Variants in SPEF2 observed in about 807,000 individuals in gnomAD.
The protein encoded by SPEF2 is sperm flagellar and cilia associated 2.
In SPEF2, 187 loss-of-function variants were observed where a neutral mutation model predicts 224.6. The ratio of observed to expected loss-of-function variants is 0.83; its 90% CI spans 0.74 to 0.94. The LOEUF (loss-of-function observed/expected upper bound fraction) is 0.94, where lower values mean the gene tolerates loss of function less well. Ranked by LOEUF, SPEF2 falls within the 40% of genes least tolerant of loss-of-function variation. The pLI is 0.00. For synonymous variants in SPEF2, 715 were observed against 707.3 expected (o/e 1.01, Z -0.17); for missense variants, 2,170 against 2,135.6 (o/e 1.02, Z -0.32).
At chr5:35,759,416 T>G (rs112374039) in intron 24 of SPEF2, 152 bp from the exon 25 acceptor site, 115 of 598,084 alleles carry the variant, frequency 1.9e-4, no homozygotes, top group African/African-American at 1.8e-3. Flanking sequence ...AAATCTTAGA[T>G]ATAGACTTGT....
At chr5:35,810,171 G>A (rs2149879395) in intron 36 of SPEF2, among the ~76,000 whole-genome samples, 1 of 152,214 alleles carries the variant, frequency 6.6e-6, no homozygotes, top group Admixed American at 6.5e-5. Context: ...TTTCCGAATA[G>A]GTGTTCTGAC....
intron 1 of SPEF2, among the ~76,000 whole-genome samples, chr5:35,628,160 T>A (rs961951872): frequency 6.6e-6 from 1 of 152,174 alleles, no homozygotes; most frequent in Non-Finnish European, 1.5e-5. Context: ...TTAGATCTAA[T>A]GTTATTTATA....
intron 8 of SPEF2, among the ~76,000 whole-genome samples, chr5:35,663,063 A>G (rs555042756): frequency 6.6e-6 from 1 of 152,132 alleles, no homozygotes; most frequent in Admixed American, 6.5e-5. Context: ...TCTATTAAGT[A>G]TTGCTGTGGA....
Position 35,776,311 on chromosome 5 carries a change from T to C in SPEF2, c.4133T>C (p.Leu1378Pro). ...ELIKTKALAL[L>P]EDLVTKVVDV... ...ATAAAGACAAAAGCATTGGCTCTTC[T>C]TGAAGATTTAGTAACAAAGGTGGTT... is the stretch of plus-strand genomic sequence containing the variant. Residue 1378 changes from leucine (L) to proline (P), a missense_variant, in exon 29 of 37, where the codon CTT becomes CCT. Transcript: ENST00000356031. The C allele has an allele frequency of 2.5e-6, 4 of 1,612,746 alleles. No homozygotes were observed. Among genetic ancestry groups the C allele is most frequent in the Non-Finnish European group, 3.4e-6 (4 of 1,179,402 alleles).
intron 21 of SPEF2, among the ~76,000 whole-genome samples, chr5:35,737,364 T>TC (rs1746795761): frequency 1.2e-5 from 1 of 86,276 alleles, no homozygotes; most frequent in African/African-American, 4.6e-5. Context: ...CCCTCCTCCC[T>TC]CCCCCCACCC....
chr5:35,681,674 A>G (rs1365958244), intron 10 of SPEF2, among the ~76,000 whole-genome samples: 1 of 152,236 alleles, frequency 6.6e-6, no homozygotes, highest in Non-Finnish European at 1.5e-5. Flanking sequence ...TATCACAAGT[A>G]GTGATGATAA....
intron 36 of SPEF2, 54 bp downstream of exon 36, chr5:35,807,307 C>A: frequency 6.4e-7 from 1 of 1,567,458 alleles, no homozygotes; most frequent in Non-Finnish European, 8.6e-7. Context: ...TCAGGACATG[C>A]TAGGATGTTT....
chr5:35,722,101 A>C (rs1440006802), intron 20 of SPEF2, among the ~76,000 whole-genome samples: 1 of 152,158 alleles, frequency 6.6e-6, no homozygotes, highest in Non-Finnish European at 1.5e-5. Context: ...AAAGAAAAAA[A>C]AAAACAGTTT....
At chr5:35,732,827 A>G (rs892461567) in intron 21 of SPEF2, among the ~76,000 whole-genome samples, 1 of 152,216 alleles carries the variant, frequency 6.6e-6, no homozygotes, top group Non-Finnish European at 1.5e-5. Context: ...ACAGTACAGT[A>G]CAATGAGGTA....
At chr5:35,638,440 C>T (rs1746133730) in intron 2 of SPEF2, among the ~76,000 whole-genome samples, 1 of 152,110 alleles carries the variant, frequency 6.6e-6, no homozygotes, top group Non-Finnish European at 1.5e-5. Context: ...TCCACATACA[C>T]ATCGTATGTT....
intron 1 of SPEF2, among the ~76,000 whole-genome samples, chr5:35,625,309 C>T (rs958620257): frequency 2.0e-5 from 3 of 152,134 alleles, no homozygotes; most frequent in Admixed American, 2.0e-4. Context: ...TATTAATATG[C>T]CATGCCATTT....
intron 1 of SPEF2, among the ~76,000 whole-genome samples, chr5:35,619,054 T>C (rs574333788): frequency 2.6e-5 from 4 of 152,306 alleles, no homozygotes; most frequent in African/African-American, 9.6e-5. Flanking sequence ...TAGTTATTAA[T>C]ACTCTCAGCA....
At chr5:35,760,887 T>C (rs1194859469) in intron 25 of SPEF2, among the ~76,000 whole-genome samples, 1 of 152,122 alleles carries the variant, frequency 6.6e-6, no homozygotes, top group African/African-American at 2.4e-5. Flanking sequence ...CCTTAAAAAT[T>C]AAATGAATTT....
chr5:35,808,166 A>G, intron 36 of SPEF2: 5 of 980,984 alleles, frequency 5.1e-6, no homozygotes, highest in Non-Finnish European at 6.1e-6. Context: ...TTTTTGTTCT[A>G]AGTTGCTGAT....
At chr5:35,694,730 C>T (rs778536849) in intron 13 of SPEF2, among the ~76,000 whole-genome samples, 2 of 152,170 alleles carry the variant, frequency 1.3e-5, no homozygotes, top group Non-Finnish European at 1.5e-5. Context: ...GGGCTTTCTA[C>T]GTGCTCCTGC....
chr5:35,809,216 T>A (rs968100502), intron 36 of SPEF2, among the ~76,000 whole-genome samples: 1 of 152,126 alleles, frequency 6.6e-6, no homozygotes, highest in African/African-American at 2.4e-5. Context: ...GATCACCTAC[T>A]ACTGAGACCC....
Position 35,763,561 on chromosome 5 carries a change from A to T in SPEF2, c.3660A>T (p.Thr1220=). The part of the protein sequence containing the change: ...LVPRISISLE[T]VTPKPKTKSV... ...CTCGAATATCCATTTCTCTGGAAAC[A>T]GTTACACCCAAACCAAAAACAAAAT... The change falls in exon 26 of 37, where the codon ACA becomes ACT. Residue 1220 remains threonine (T), a synonymous_variant. Transcript: ENST00000356031. The T allele has an allele frequency of 6.2e-7, 1 of 1,609,538 alleles. No individual in the cohort carries two copies. Among genetic ancestry groups the T allele is most frequent in the Non-Finnish European group, 8.5e-7 (1 of 1,178,706 alleles).
chr5:35,706,235 A>G (rs929073067), intron 18 of SPEF2, among the ~76,000 whole-genome samples: 4 of 151,920 alleles, frequency 2.6e-5, no homozygotes, highest in African/African-American at 9.7e-5. Flanking sequence ...TAAAGAAACC[A>G]TGTGAATTCT....
chr5:35,736,518 A>G (rs200872986), intron 21 of SPEF2, among the ~76,000 whole-genome samples: 2 of 152,160 alleles, frequency 1.3e-5, no homozygotes, highest in East Asian at 3.9e-4. Context: ...ACTGTCAAAC[A>G]CTTATAAAAC....
Sources: gnomAD v4.1 joint callset for allele counts (sites outside exome capture counted in the v4.1 genomes callset) on GRCh38, gnomAD v4.1.1 for gene constraint, MANE v1.5 for transcripts, NCBI Gene and HGNC (gene_info 2026-07-23, HGNC 2026-07-21) for gene names.